LYPD6: variants seen among roughly 807,000 people sequenced by gnomAD.
The protein encoded by LYPD6 is LY6/PLAUR domain containing 6.
In LYPD6, 15 loss-of-function variants were observed where a neutral mutation model predicts 22.7. That is an observed-to-expected ratio of 0.66 (90% CI 0.44 to 1.02). The LOEUF (loss-of-function observed/expected upper bound fraction) is 1.02. Among genes scored for constraint, LYPD6 ranks in the 50% least tolerant of loss-of-function variants. The pLI, the probability that LYPD6 is intolerant of heterozygous loss-of-function variation, is 0.00. For synonymous variants in LYPD6, 72 were observed against 77.5 expected, an observed-to-expected ratio of 0.93 and a Z score of 0.37; for missense variants, 189 against 208.4, an observed-to-expected ratio of 0.91 and a Z score of 0.57.
At chr2:149,370,061 G>A (rs1004646488) in intron 1 of LYPD6, among the ~76,000 whole-genome samples, 1 of 152,098 alleles carries the variant, frequency 6.6e-6, no homozygotes, top group African/African-American at 2.4e-5. Flanking sequence ...TAGATAATTT[G>A]GAGGGTGAGC....
intron 1 of LYPD6, among the ~76,000 whole-genome samples, chr2:149,331,030 C>T (rs1355142694): frequency 6.6e-6 from 1 of 152,168 alleles, no homozygotes; most frequent in East Asian, 1.9e-4. Flanking sequence ...GCTGGAGGAA[C>T]CTTTCCCAGG....
intron 1 of LYPD6, among the ~76,000 whole-genome samples, chr2:149,376,652 A>G (rs560099521): frequency 6.6e-5 from 10 of 152,342 alleles, no homozygotes; most frequent in Non-Finnish European, 7.3e-5. Context: ...AAGATCTAAT[A>G]AAAATATATT....
chr2:149,379,476 A>G (rs552362515), intron 1 of LYPD6, among the ~76,000 whole-genome samples: 14 of 152,338 alleles, frequency 9.2e-5, no homozygotes, highest in African/African-American at 3.4e-4. Context: ...ATAGACCTTC[A>G]TTTTACAATT....
intron 1 of LYPD6, among the ~76,000 whole-genome samples, chr2:149,334,756 A>ATTTT (rs34573058): frequency 2.8e-5 from 4 of 143,444 alleles, no homozygotes; most frequent in African/African-American, 1.0e-4. Flanking sequence ...GCAAGTAACG[A>ATTTT]TTTTTTTTTT....
intron 1 of LYPD6, among the ~76,000 whole-genome samples, chr2:149,378,979 T>C (rs1049615908): frequency 1.3e-5 from 2 of 152,210 alleles, no homozygotes; most frequent in Non-Finnish European, 2.9e-5. Flanking sequence ...AGAGATTATA[T>C]TTGAGGATGC....
At chr2:149,346,107 A>C (rs1458284056) in intron 1 of LYPD6, among the ~76,000 whole-genome samples, 1 of 152,232 alleles carries the variant, frequency 6.6e-6, no homozygotes, top group Non-Finnish European at 1.5e-5. Flanking sequence ...ATTGTTAATG[A>C]TAAGTGCTTA....
chr2:149,347,396 T>C (rs1243726562), intron 1 of LYPD6, among the ~76,000 whole-genome samples: 1 of 152,122 alleles, frequency 6.6e-6, no homozygotes, highest in Non-Finnish European at 1.5e-5. Flanking sequence ...TTTTTTAGGT[T>C]GGGCAGGGAA....
Position 149,333,792 on chromosome 2 carries a change from T to C in LYPD6, c.-72+3070T>C, listed in dbSNP as rs76610393. ...ATTGTTAGCTGTTGGTATCATACAT[T>C]CTTTCAGGAACTGTTCAGAGTGCCT... On this transcript the variant is annotated intron_variant, in intron 1 of 4. Coordinates refer to ENST00000334166, the MANE Select transcript of LYPD6 (RefSeq NM_194317.5). Among the ~76,000 whole-genome samples the C allele has an allele frequency of 8.4e-3, 1,278 of 152,298 alleles. 23 individuals are homozygous for C. The highest frequency in any genetic ancestry group is 0.029 in the African/African-American group (1,194 of 41,560).
rs1214335344 is a variant in LYPD6, at chr2:149,448,687, T to A, written c.119-362T>A. Among the ~76,000 whole-genome samples, 4 of 152,218 alleles carry A rather than the reference T, an allele frequency of 2.6e-5. No individual in the cohort carries two copies. The South Asian group carries it at 8.3e-4, about 32-fold the overall frequency. On this transcript the variant is annotated intron_variant, in intron 2 of 4. Coordinates refer to ENST00000334166, the MANE Select transcript of LYPD6 (RefSeq NM_194317.5). The stretch of plus-strand genomic sequence containing the variant: ...TAATTTCCTGGAAACTCACCCAAGT[T>A]GTTGAAAGTAGTAATAGTTCATTCC...
At chr2:149,403,723 G>A (rs1166444105) in intron 1 of LYPD6, among the ~76,000 whole-genome samples, 1 of 151,942 alleles carries the variant, frequency 6.6e-6, no homozygotes, top group East Asian at 1.9e-4. Flanking sequence ...CTGTGCAGAA[G>A]CTCTTTAGTT....
intron 3 of LYPD6, among the ~76,000 whole-genome samples, chr2:149,455,494 GTGA>G (rs1335569468): frequency 6.6e-6 from 1 of 151,942 alleles, no homozygotes; most frequent in African/African-American, 2.4e-5. Context: ...TCCTGACCTC[GTGA>G]TCCACCCACC....
At chr2:149,391,668 G>T (rs1339959837) in intron 1 of LYPD6, among the ~76,000 whole-genome samples, 1 of 152,084 alleles carries the variant, frequency 6.6e-6, no homozygotes, top group Non-Finnish European at 1.5e-5. Context: ...ACACTTAGGG[G>T]CCACTCAAGG....
At chr2:149,392,324 A>G (rs1682329474) in intron 1 of LYPD6, among the ~76,000 whole-genome samples, 1 of 152,164 alleles carries the variant, frequency 6.6e-6, no homozygotes, top group African/African-American at 2.4e-5. Flanking sequence ...AGGTTAAAAC[A>G]TGTGGAGGAA....
intron 1 of LYPD6, among the ~76,000 whole-genome samples, chr2:149,414,320 T>G (rs918602662): frequency 7.2e-5 from 11 of 152,230 alleles, no homozygotes; most frequent in Non-Finnish European, 1.2e-4. Flanking sequence ...TTAATATTTC[T>G]TAAATTCTCA....
chr2:149,404,182 G>C (rs1351958491), intron 1 of LYPD6, among the ~76,000 whole-genome samples: 3 of 152,176 alleles, frequency 2.0e-5, no homozygotes, highest in Non-Finnish European at 4.4e-5. Flanking sequence ...CTCCAGCTTT[G>C]TTCTTTTGGC....
chr2:149,388,577 G>GC (rs1682240692), intron 1 of LYPD6, among the ~76,000 whole-genome samples: 1 of 152,020 alleles, frequency 6.6e-6, no homozygotes, highest in African/African-American at 2.4e-5. Flanking sequence ...AACATGTCTG[G>GC]GTGTTAGTTA....
intron 1 of LYPD6, among the ~76,000 whole-genome samples, chr2:149,436,344 G>A (rs556490872): frequency 6.6e-6 from 1 of 152,292 alleles, no homozygotes; most frequent in East Asian, 1.9e-4. Flanking sequence ...AGAGATAATG[G>A]TACTTGGAAA....
At chr2:149,335,949 G>A (rs1681026848) in intron 1 of LYPD6, among the ~76,000 whole-genome samples, 1 of 151,282 alleles carries the variant, frequency 6.6e-6, no homozygotes. Flanking sequence ...TGTTCACACA[G>A]TGACAAAATC....
At chr2:149,457,243 G>A (rs190931983) in intron 3 of LYPD6, among the ~76,000 whole-genome samples, 50 of 152,312 alleles carry the variant, frequency 3.3e-4, no homozygotes, top group Non-Finnish European at 6.2e-4. Flanking sequence ...TTTTAAATTT[G>A]ATGAGACTAT....
Sources: gnomAD v4.1 joint callset for allele counts (sites outside exome capture counted in the v4.1 genomes callset) on GRCh38, gnomAD v4.1.1 for gene constraint, MANE v1.5 for transcripts, NCBI Gene and HGNC (gene_info 2026-07-23, HGNC 2026-07-21) for gene names.